SRGAP2B: variants seen among roughly 807,000 people sequenced by gnomAD.
The protein encoded by SRGAP2B is SLIT-ROBO Rho GTPase-activating protein 2B.
In SRGAP2B, 9 loss-of-function variants were observed where a neutral mutation model predicts 22.2. That is an observed-to-expected ratio of 0.41 (90% CI 0.24 to 0.71). The LOEUF (loss-of-function observed/expected upper bound fraction) is 0.71. Among genes scored for constraint, SRGAP2B ranks in the 30% least tolerant of loss-of-function variants. The pLI is 0.35. For synonymous variants in SRGAP2B, 36 were observed against 87.4 expected (o/e 0.41, Z 3.28); for missense variants, 114 against 235.8 (o/e 0.48, Z 3.38).
chr1:144,969,725 A>T (rs587761936), intron 3 of SRGAP2B, among the ~76,000 whole-genome samples: 7 of 150,944 alleles, frequency 4.6e-5, no homozygotes, highest in Non-Finnish European at 8.8e-5. Context: ...ACATGGGAGA[A>T]AATTTTTGCA....
chr1:145,010,338 C>CA (rs1331108634), intron 2 of SRGAP2B, among the ~76,000 whole-genome samples: 10 of 112,480 alleles, frequency 8.9e-5, no homozygotes, highest in East Asian at 2.5e-4. Context: ...AAAGAAACAA[C>CA]AAAAAAAAAG....
In SRGAP2B at chr1:144,991,033, G is replaced by A. The variant is rs1488077663; in HGVS notation, c.260+3975C>T. On this transcript the variant is annotated intron_variant, in intron 3 of 9. Transcript: ENST00000612199. ...CGACCACCCAAGGGCTGAGGAATGC[G>A]AGCGCACAGCGCAGGACTGGCAGGC... Among the ~76,000 whole-genome samples the A allele has an allele frequency of 6.9e-4, 104 of 150,754 alleles. 6 individuals are homozygous for A. Among genetic ancestry groups the A allele is most frequent in the African/African-American group, 2.3e-3 (92 of 40,388 alleles).
At chr1:145,001,772 G>A (rs1553619884) in intron 2 of SRGAP2B, among the ~76,000 whole-genome samples, 1 of 150,674 alleles carries the variant, frequency 6.6e-6, no homozygotes, top group Non-Finnish European at 1.5e-5. Context: ...TGTAATCCCG[G>A]GACTTTGGGA....
intron 3 of SRGAP2B, among the ~76,000 whole-genome samples, chr1:144,967,473 C>G (rs1306023684): frequency 7.1e-6 from 1 of 141,844 alleles, no homozygotes; most frequent in Non-Finnish European, 1.5e-5. Context: ...ACCAGAATCT[C>G]TGGGACGCAT....
intron 3 of SRGAP2B, among the ~76,000 whole-genome samples, chr1:144,980,799 T>G (rs1462527280): frequency 1.2e-4 from 18 of 151,332 alleles, no homozygotes; most frequent in Non-Finnish European, 2.5e-4. Context: ...CAATGTGTGA[T>G]ACTTCTGTGC....
chr1:145,044,650 T>TAAAAAAAAAA lies in SRGAP2B; in HGVS notation c.67+48175_67+48184dup, dbSNP rs1184404731. On this transcript the variant is annotated intron_variant, in intron 2 of 9. Transcript: ENST00000612199. ...TATATTTTATATTTGAACCCCCTCC[T>TAAAAAAAAAA]AAAAAAAAAAAAAAAAAAAAAAAAA... Among the ~76,000 whole-genome samples, 9 of 30,684 alleles carry TAAAAAAAAAA rather than the reference T, an allele frequency of 2.9e-4. 3 individuals are homozygous for TAAAAAAAAAA. The highest frequency in any genetic ancestry group is 4.0e-4 in the Non-Finnish European group (7 of 17,710). 20.1% of individuals were successfully genotyped at this position (30,684 alleles called of 152,430 possible).
At position 144,965,001 on chromosome 1, in the gene SRGAP2B, G is replaced by A. The variant is rs11590470; in HGVS notation, c.261-9400C>T. On this transcript the variant is annotated intron_variant, in intron 3 of 9. Transcript: ENST00000612199. Reference sequence around the variant, plus strand: ...CCAGAGACCTTCGCCTCGCCCCGCCGGTTCCTCACCCTCGGGGAGCAACAT... The same window carrying A: ...CCAGAGACCTTCGCCTCGCCCCGCCAGTTCCTCACCCTCGGGGAGCAACAT... 12,057 of 1,398,536 alleles carry A rather than the reference G, an allele frequency of 8.6e-3. 19 individuals are homozygous for A. Among genetic ancestry groups the A allele is most frequent in the Non-Finnish European group, 9.9e-3 (9,786 of 989,282 alleles). The allele number at this position is 1,398,536 out of a possible 1,614,324, so 86.6% of individuals were successfully genotyped here.
intron 3 of SRGAP2B, among the ~76,000 whole-genome samples, chr1:144,994,567 T>TGTGAGAGAGAGAGAGAGAGAGAGAGA (rs72366347): frequency 8.2e-6 from 1 of 122,430 alleles, no homozygotes; most frequent in Non-Finnish European, 1.6e-5. Flanking sequence ...TGTGTGTGTG[T>TGTGAGAGAGAGAGAGAGAGAGAGAGA]GAGAGAGAGA....
At chr1:144,951,987 C>A in intron 4 of SRGAP2B, among the ~76,000 whole-genome samples, 1 of 138,706 alleles carries the variant, frequency 7.2e-6, no homozygotes, top group East Asian at 2.1e-4. Context: ...CTCTCCACAC[C>A]TATATCCACT....
At chr1:144,957,707 AC>A (rs1337343138) in intron 3 of SRGAP2B, among the ~76,000 whole-genome samples, 13 of 150,420 alleles carry the variant, frequency 8.6e-5, no homozygotes, top group Middle Eastern at 3.5e-3. Flanking sequence ...AGATATTTGA[AC>A]ACATGCATTC....
chr1:145,007,132 C>T (rs1186770302), intron 2 of SRGAP2B, among the ~76,000 whole-genome samples: 4 of 150,588 alleles, frequency 2.7e-5, no homozygotes, highest in Admixed American at 6.6e-5. Context: ...AAGGCAACCA[C>T]GATTCCTCCC....
intron 4 of SRGAP2B, among the ~76,000 whole-genome samples, chr1:144,941,542 G>C (rs1465189930): frequency 1.1e-4 from 16 of 149,668 alleles, no homozygotes; most frequent in African/African-American, 4.0e-4. Context: ...CCAAGGGCTG[G>C]GCTTAAAAGC....
At chr1:145,045,303 A>C (rs1649671907) in intron 2 of SRGAP2B, among the ~76,000 whole-genome samples, 1 of 143,128 alleles carries the variant, frequency 7.0e-6, no homozygotes, top group Non-Finnish European at 1.5e-5. Context: ...CCTCAAAAAA[A>C]AAAAAAAAAA....
At chr1:144,914,982 C>T (rs1161470587) in intron 4 of SRGAP2B, among the ~76,000 whole-genome samples, 11 of 135,704 alleles carry the variant, frequency 8.1e-5, no homozygotes, top group African/African-American at 1.1e-4. Context: ...AAGGCAATTG[C>T]GTAGAGGGAA....
intron 2 of SRGAP2B, among the ~76,000 whole-genome samples, chr1:145,045,378 T>G (rs1040709): frequency 1.3e-3 from 158 of 121,958 alleles, no homozygotes; most frequent in African/African-American, 4.5e-3. Flanking sequence ...GGAAAGAAAA[T>G]AAGAAAAGAA....
rs1223350824 is a variant in SRGAP2B at position 144,997,205 on chromosome 1, G to T, written c.68-2005C>A. ...GCACTTTGGGAGGCCGAGGCGGGCG[G>T]ATCACAAGGTCAGGAGATCGAGACC... On this transcript the variant is annotated intron_variant, in intron 2 of 9. Transcript: ENST00000612199. Among the ~76,000 whole-genome samples, 5 of 150,502 alleles carry T rather than the reference G, an allele frequency of 3.3e-5. 1 individual carries two copies. Among genetic ancestry groups the T allele is most frequent in the Non-Finnish European group, 2.9e-5 (2 of 67,948 alleles).
chr1:144,970,659 A>AAC (rs1331560464), intron 3 of SRGAP2B, among the ~76,000 whole-genome samples: 1 of 145,802 alleles, frequency 6.9e-6, no homozygotes, highest in Non-Finnish European at 1.5e-5. Flanking sequence ...AAAAAAAAAA[A>AAC]GCATGATTCA....
intron 2 of SRGAP2B, among the ~76,000 whole-genome samples, chr1:145,073,057 C>T (rs1652263196): frequency 1.3e-5 from 2 of 149,868 alleles, no homozygotes; most frequent in Admixed American, 6.6e-5. Flanking sequence ...TTTCTCTCTC[C>T]TTGTTTAGCT....
At chr1:145,012,476 A>C (rs1443865636) in intron 2 of SRGAP2B, among the ~76,000 whole-genome samples, 2 of 138,678 alleles carry the variant, frequency 1.4e-5, no homozygotes, top group Non-Finnish European at 3.1e-5. Context: ...GGAGAGATGC[A>C]TTATCTAGTC....
Sources: allele counts gnomAD v4.1 joint callset (sites outside exome capture counted in the v4.1 genomes callset), GRCh38; gene constraint gnomAD v4.1.1; transcripts MANE v1.5; gene names NCBI Gene and HGNC (gene_info 2026-07-23, HGNC 2026-07-21).